The following DDAH1 variants were observed in gnomAD, a reference collection of about 807,000 sequenced individuals.
DDAH1 encodes the protein N(G),N(G)-dimethylarginine dimethylaminohydrolase 1.
DDAH1 carries 19 observed loss-of-function variants against 28.8 expected under a neutral mutation model. The observed-to-expected ratio is 0.66, with a 90% CI of 0.46 to 0.97. The LOEUF is 0.97. Among genes scored for constraint, DDAH1 ranks in the 50% least tolerant of loss-of-function variants. The pLI, the probability that DDAH1 is intolerant of heterozygous loss-of-function variation, is 0.00. For synonymous variants in DDAH1, 153 were observed against 154.4 expected (o/e 0.99, Z 0.07); for missense variants, 326 against 375.9 (o/e 0.87, Z 1.10).
chr1:85,515,226 A>T (rs1204641597), intron 1 of DDAH1, among the ~76,000 whole-genome samples: 1 of 147,738 alleles, frequency 6.8e-6, no homozygotes, highest in Non-Finnish European at 1.5e-5. Flanking sequence ...CTTGTCTCTT[A>T]AAAAAAAAAA....
chr1:85,518,779 T>C (rs1354992939), intron 1 of DDAH1, among the ~76,000 whole-genome samples: 2 of 152,224 alleles, frequency 1.3e-5, no homozygotes, highest in African/African-American at 2.4e-5. Flanking sequence ...GACATAGACA[T>C]CTTGGGGGAC....
intron 5 of DDAH1, 65 bp downstream of exon 5, chr1:85,324,675 C>G: frequency 6.3e-7 from 1 of 1,593,732 alleles, no homozygotes; most frequent in Non-Finnish European, 8.6e-7. Flanking sequence ...ATTGGTCACT[C>G]CTTTATGAAA....
In DDAH1 at chr1:85,464,697, A is replaced by G. The variant is rs1415614120; in HGVS notation, c.303+46T>C. 4.2e-6 allele frequency: 6 copies of G among 1,426,776 alleles called. No homozygotes were observed. The African/African-American group carries it at 4.5e-5, about 11-fold the overall frequency. 88.4% of individuals were successfully genotyped at this position (1,426,776 alleles called of 1,614,324 possible). A position where few individuals can be genotyped will look rare whatever the true frequency, so the allele number is the denominator to read the frequency against. On this transcript the variant is annotated intron_variant, in intron 1 of 5. Coordinates refer to ENST00000284031, the MANE Select transcript of DDAH1 (RefSeq NM_012137.4). The surrounding 1 kb of genome is among the most constrained non-coding windows in gnomAD (Gnocchi z 4.4). ...GCAACACGGCGGCCGGCGGCGGGGG[A>G]GGGCCTGGCGCGCGCCCCGGCCGCG...
At chr1:85,575,052 C>A (rs1017472552) in intron 1 of DDAH1, among the ~76,000 whole-genome samples, 2 of 151,952 alleles carry the variant, frequency 1.3e-5, no homozygotes, top group Non-Finnish European at 2.9e-5. Flanking sequence ...CCAGCCTGAG[C>A]AACATGGGGA....
chr1:85,474,388 C>G (rs1484039263), intron 2 of DDAH1, among the ~76,000 whole-genome samples: 2 of 152,126 alleles, frequency 1.3e-5, no homozygotes, highest in African/African-American at 2.4e-5. Context: ...CAACACCCCA[C>G]CCCCATGATG....
chr1:85,515,807 T>C (rs1383222990), intron 1 of DDAH1, among the ~76,000 whole-genome samples: 4 of 151,902 alleles, frequency 2.6e-5, no homozygotes, highest in Non-Finnish European at 4.4e-5. Flanking sequence ...AAAAAAAACC[T>C]GGATTTAAAA....
rs564487771 is a variant in DDAH1, at chr1:85,423,570, T to A, written c.303+41173A>T. Among the ~76,000 whole-genome samples the A allele has an allele frequency of 6.6e-5, 10 of 152,304 alleles. No homozygotes were observed. In the South Asian group the frequency reaches 1.9e-3, roughly 28 times the overall value. Reference sequence around the variant, plus strand: ...GGTGCTACTGTAAATGTATTGTTTTTAAATTTTAAATTCCAATTGTTCATT... The same window carrying A: ...GGTGCTACTGTAAATGTATTGTTTTAAAATTTTAAATTCCAATTGTTCATT... On this transcript the variant is annotated intron_variant, in intron 1 of 5. Coordinates refer to ENST00000284031, the MANE Select transcript of DDAH1 (RefSeq NM_012137.4).
At chr1:85,483,896 T>C (rs1228077793) in intron 2 of DDAH1, among the ~76,000 whole-genome samples, 2 of 152,184 alleles carry the variant, frequency 1.3e-5, no homozygotes, top group African/African-American at 4.8e-5. Flanking sequence ...TATGATCATA[T>C]TTGATCGCAG....
intron 1 of DDAH1, among the ~76,000 whole-genome samples, chr1:85,427,684 G>C (rs1043332704): frequency 6.6e-6 from 1 of 152,152 alleles, no homozygotes; most frequent in African/African-American, 2.4e-5. Context: ...AACAAACACA[G>C]TGTAAATATT....
chr1:85,512,193 A>T (rs1293261792), intron 1 of DDAH1, among the ~76,000 whole-genome samples: 1 of 152,214 alleles, frequency 6.6e-6, no homozygotes, highest in African/African-American at 2.4e-5. Context: ...GGCTGGTTCA[A>T]CATACGCAAA....
At chr1:85,428,286 G>T (rs1557617955) in intron 1 of DDAH1, among the ~76,000 whole-genome samples, 1 of 152,144 alleles carries the variant, frequency 6.6e-6, no homozygotes, top group Non-Finnish European at 1.5e-5. Flanking sequence ...AGGTTTAATG[G>T]ACTCACAGTT....
At chr1:85,360,930 C>T (rs1196975745) in intron 1 of DDAH1, among the ~76,000 whole-genome samples, 1 of 152,190 alleles carries the variant, frequency 6.6e-6, no homozygotes, top group Non-Finnish European at 1.5e-5. Flanking sequence ...AATTCAATCA[C>T]ATCTATACAA....
At chr1:85,500,135 TTTC>T (rs1557696125) in intron 1 of DDAH1, among the ~76,000 whole-genome samples, 2,648 of 55,676 alleles carry the variant, frequency 0.048, 81 homozygotes, top group African/African-American at 0.12. Context: ...TCTTTCTTTC[TTTC>T]TTTCTTTCTT....
intron 1 of DDAH1, among the ~76,000 whole-genome samples, chr1:85,372,020 C>T (rs1282517252): frequency 4.0e-5 from 6 of 151,640 alleles, no homozygotes; most frequent in African/African-American, 1.5e-4. Flanking sequence ...TTTTTTTTTC[C>T]TTCCTAGTCC....
At chr1:85,496,289 T>A in intron 1 of DDAH1, 3 of 846,122 alleles carry the variant, frequency 3.5e-6, no homozygotes, top group Non-Finnish European at 4.3e-6. Context: ...AAACTGCAAA[T>A]GGAGAAATAT....
chr1:85,499,513 A>T (rs1300165492), intron 1 of DDAH1, among the ~76,000 whole-genome samples: 1 of 152,182 alleles, frequency 6.6e-6, no homozygotes, highest in Non-Finnish European at 1.5e-5. Flanking sequence ...TCTCTACTAA[A>T]AATACAAAAA....
At chr1:85,512,466 T>G (rs1171871028) in intron 1 of DDAH1, among the ~76,000 whole-genome samples, 1 of 152,090 alleles carries the variant, frequency 6.6e-6, no homozygotes, top group Non-Finnish European at 1.5e-5. Context: ...CTCTCACCAC[T>G]CCTATTCAAC....
chr1:85,388,489 AC>A (rs1255656024), intron 1 of DDAH1, among the ~76,000 whole-genome samples: 7 of 152,246 alleles, frequency 4.6e-5, no homozygotes, highest in Admixed American at 3.9e-4. Context: ...GTTCACAGTG[AC>A]CCATGAAAAA....
At chr1:85,370,600 C>T (rs1650328859) in intron 1 of DDAH1, among the ~76,000 whole-genome samples, 1 of 59,456 alleles carries the variant, frequency 1.7e-5, no homozygotes, top group African/African-American at 4.9e-5. Context: ...TGCAGTAGTC[C>T]AGGTGAAAGA....
Sources: allele counts gnomAD v4.1 joint callset (sites outside exome capture counted in the v4.1 genomes callset), GRCh38; gene constraint gnomAD v4.1.1; non-coding constraint Gnocchi (gnomAD v3.1); transcripts MANE v1.5; gene names NCBI Gene and HGNC (gene_info 2026-07-23, HGNC 2026-07-21).